Variants in MNAT1 observed in about 807,000 individuals in gnomAD.
MNAT1 encodes the protein MNAT1 component of CDK activating kinase.
A neutral mutation model predicts 42.0 loss-of-function variants in MNAT1; 43 were observed. That is an observed-to-expected ratio of 1.02 (90% confidence interval 0.80 to 1.32). The LOEUF (loss-of-function observed/expected upper bound fraction) is 1.32, where lower values mean the gene tolerates loss of function less well. Among genes scored for constraint, MNAT1 ranks in the 40% most tolerant of loss-of-function variants. The probability of loss-of-function intolerance (pLI) is 0.00; values close to 1 mark genes in which losing one functional copy is unlikely to be tolerated. For synonymous variants in MNAT1, 118 were observed against 120.0 expected, an observed-to-expected ratio of 0.98 and a Z score of 0.11; for missense variants, 306 against 350.4, an observed-to-expected ratio of 0.87 and a Z score of 1.01.
chr14:60,854,226 T>C (rs146557932), intron 6 of MNAT1, among the ~76,000 whole-genome samples: 2 of 152,198 alleles, frequency 1.3e-5, no homozygotes, highest in Non-Finnish European at 2.9e-5. Flanking sequence ...TTTTTAACTT[T>C]CTTGCATTGA....
At chr14:60,953,193 T>C (rs1156445132) in intron 7 of MNAT1, among the ~76,000 whole-genome samples, 1 of 152,176 alleles carries the variant, frequency 6.6e-6, no homozygotes, top group African/African-American at 2.4e-5. Flanking sequence ...TTGTGAAATA[T>C]AGATCTGTAT....
At chr14:60,811,524 G>A (rs987641933) in intron 4 of MNAT1, among the ~76,000 whole-genome samples, 5 of 151,732 alleles carry the variant, frequency 3.3e-5, no homozygotes, top group South Asian at 2.1e-4. Flanking sequence ...AGCTGGTCTC[G>A]AACTCCTGAC....
intron 4 of MNAT1, among the ~76,000 whole-genome samples, chr14:60,810,307 GTT>G (rs1284644448): frequency 4.0e-5 from 6 of 151,744 alleles, no homozygotes; most frequent in Non-Finnish European, 7.4e-5. Flanking sequence ...AATTTTTTCT[GTT>G]CTTTTTCTGT....
At chr14:60,840,286 G>A (rs983851091) in intron 6 of MNAT1, among the ~76,000 whole-genome samples, 18 of 152,196 alleles carry the variant, frequency 1.2e-4, no homozygotes, top group African/African-American at 4.1e-4. Context: ...GGAGCTGTAG[G>A]AGACTAAGAG....
intron 6 of MNAT1, among the ~76,000 whole-genome samples, chr14:60,829,551 G>C (rs1324488026): frequency 6.6e-6 from 1 of 152,128 alleles, no homozygotes; most frequent in East Asian, 1.9e-4. Flanking sequence ...TTATGGCAGT[G>C]GTTGAATTTA....
In MNAT1 at chr14:60,792,865, C is replaced by T. The variant is rs551373218; in HGVS notation, c.90-3352C>T. Among the ~76,000 whole-genome samples, 33 of 152,286 alleles carry T rather than the reference C, an allele frequency of 2.2e-4. No individual in the cohort carries two copies. The East Asian group carries it at 5.8e-3, about 27-fold the overall frequency. On this transcript the variant is annotated intron_variant, in intron 1 of 7. Coordinates refer to ENST00000261245, the MANE Select transcript of MNAT1 (RefSeq NM_002431.4). Reference sequence around the variant, plus strand: ...TAATGACTGAAAATTTGGGCTTCTTCAGCAGATTTTTCTGTTTTCTGCAGA... The same window carrying T: ...TAATGACTGAAAATTTGGGCTTCTTTAGCAGATTTTTCTGTTTTCTGCAGA...
rs552795425 is a variant in MNAT1, at chr14:60,840,972, T to C, written c.687+22125T>C. 4.6e-5 allele frequency among the ~76,000 whole-genome samples: 7 copies of C among 152,286 alleles called. No homozygotes were observed. In the South Asian group the frequency reaches 1.2e-3, roughly 27 times the overall value. On this transcript the variant is annotated intron_variant, in intron 6 of 7. Transcript: ENST00000261245. ...GAGCCACCGCACTTGGCCCAGATTT[T>C]TAAAAATTGCTCAGAGTGTGGTCTG...
chr14:60,777,889 A>G lies in MNAT1; in HGVS notation c.90-18328A>G, dbSNP rs138605697. On this transcript the variant is annotated intron_variant, in intron 1 of 7. Transcript: ENST00000261245. ...GTAGACCATAACAAGTATAATAGCC[A>G]TACAAATAGCTAGATGGTTATGCTT... is the stretch of plus-strand genomic sequence containing the variant. Among the ~76,000 whole-genome samples the G allele has an allele frequency of 1.1e-4, 16 of 152,346 alleles. No individual in the cohort carries two copies. The East Asian group carries it at 2.9e-3, about 28-fold the overall frequency.
At chr14:60,784,687 A>C (rs1201979141) in intron 1 of MNAT1, among the ~76,000 whole-genome samples, 2 of 150,068 alleles carry the variant, frequency 1.3e-5, no homozygotes, top group Admixed American at 6.7e-5. Flanking sequence ...CTAGTCTCGA[A>C]CTCCTGACTT....
At chr14:60,842,704 G>C (rs906115175) in intron 6 of MNAT1, among the ~76,000 whole-genome samples, 3 of 152,096 alleles carry the variant, frequency 2.0e-5, no homozygotes, top group Admixed American at 6.5e-5. Context: ...TATTCCATTT[G>C]TTTGAATATA....
In MNAT1 at chr14:60,747,174, T is replaced by C. The variant is rs528873964; in HGVS notation, c.89+12223T>C. On this transcript the variant is annotated intron_variant, in intron 1 of 7. Coordinates refer to ENST00000261245, the MANE Select transcript of MNAT1 (RefSeq NM_002431.4). ...TAATTTTTTGTATTTTTAGTAGAGA[T>C]GGGGTTTCACCATGTTAGCCAGGAT... 5.7e-4 allele frequency among the ~76,000 whole-genome samples: 86 copies of C among 151,370 alleles called. 1 individual carries two copies. The highest frequency in any genetic ancestry group is 8.3e-4 in the South Asian group (4 of 4,800).
intron 3 of MNAT1, among the ~76,000 whole-genome samples, chr14:60,800,384 A>G (rs997018238): frequency 3.9e-5 from 6 of 152,028 alleles, no homozygotes; most frequent in Non-Finnish European, 7.4e-5. Flanking sequence ...TCTATACCAA[A>G]ATTTTAAAAA....
chr14:60,826,307 A>ATTTTTT lies in MNAT1; in HGVS notation c.687+7482_687+7487dup, dbSNP rs60838198. Among the ~76,000 whole-genome samples the ATTTTTT allele has an allele frequency of 1.1e-4, 13 of 119,782 alleles. 1 individual carries two copies. The highest frequency in any genetic ancestry group is 3.7e-4 in the African/African-American group (12 of 32,176). 78.6% of individuals were successfully genotyped at this position (119,782 alleles called of 152,430 possible). ...ACTATTTTATGCATGAATAGGAGAA[A>ATTTTTT]TTTTTTTTTTTTTTTTTTTTTTTTT... On this transcript the variant is annotated intron_variant, in intron 6 of 7. Coordinates refer to ENST00000261245, the MANE Select transcript of MNAT1 (RefSeq NM_002431.4).
Position 60,969,377 on chromosome 14 carries a change from T to C in MNAT1, c.*1028T>C, listed in dbSNP as rs750750590. The C allele has an allele frequency of 1.4e-4, 22 of 152,200 alleles. No individual in the cohort carries two copies. Among genetic ancestry groups the C allele is most frequent in the Non-Finnish European group, 2.1e-4 (14 of 68,016 alleles). The allele number at this position is 152,200 out of a possible 1,614,324, so 9.4% of individuals were successfully genotyped here. On this transcript the variant is annotated 3_prime_UTR_variant, in exon 8 of 8. Coordinates refer to ENST00000261245, the MANE Select transcript of MNAT1 (RefSeq NM_002431.4). ...AGATGTTAGTTTTATGGGTAGAAAC[T>C]TAGGTGAAACAAGACTTGTGGTTAC...
chr14:60,950,565 G>A (rs974315646), intron 7 of MNAT1, among the ~76,000 whole-genome samples: 4 of 152,122 alleles, frequency 2.6e-5, no homozygotes, highest in East Asian at 1.9e-4. Flanking sequence ...ACACAAATTC[G>A]TAAACTTTCT....
intron 7 of MNAT1, among the ~76,000 whole-genome samples, chr14:60,951,068 A>G (rs1216842623): frequency 6.6e-6 from 1 of 152,202 alleles, no homozygotes; most frequent in African/African-American, 2.4e-5. Flanking sequence ...TGGACAATCC[A>G]GAAGAGGTGT....
chr14:60,930,827 TA>T (rs1229192676), intron 7 of MNAT1, among the ~76,000 whole-genome samples: 1 of 152,140 alleles, frequency 6.6e-6, no homozygotes, highest in East Asian at 1.9e-4. Flanking sequence ...GAATCTTATT[TA>T]TCATATTAAG....
chr14:60,961,193 C>T (rs2036584621), intron 7 of MNAT1, among the ~76,000 whole-genome samples: 2 of 152,164 alleles, frequency 1.3e-5, no homozygotes, highest in South Asian at 4.1e-4. Context: ...AACTCCTGAC[C>T]TCAGATGATC....
intron 7 of MNAT1, among the ~76,000 whole-genome samples, chr14:60,915,907 G>A (rs1044680349): frequency 6.6e-6 from 1 of 152,216 alleles, no homozygotes; most frequent in African/African-American, 2.4e-5. Context: ...TTACTGTCCT[G>A]TTTACTGCAT....
Sources: allele counts gnomAD v4.1 joint callset (sites outside exome capture counted in the v4.1 genomes callset), GRCh38; gene constraint gnomAD v4.1.1; transcripts MANE v1.5; gene names NCBI Gene and HGNC (gene_info 2026-07-23, HGNC 2026-07-21).